EMC7: variants seen among roughly 807,000 people sequenced by gnomAD.
EMC7 encodes endoplasmic reticulum membrane protein complex subunit 7.
Under a neutral mutation model 24.4 loss-of-function variants are expected in EMC7, and 4 were observed. That is an observed-to-expected ratio of 0.16 (90% confidence interval 0.08 to 0.38). EMC7 has a LOEUF of 0.38. Among genes scored for constraint, EMC7 ranks in the 10% least tolerant of loss-of-function variants. The pLI, the probability that EMC7 is intolerant of heterozygous loss-of-function variation, is 1.00. For missense variants in EMC7, 221 were observed against 300.6 expected (o/e 0.74, Z 1.96); for synonymous variants, 106 against 112.0 (o/e 0.95, Z 0.34).
At chr15:34,098,969 A>C (rs1366225051) in intron 1 of EMC7, among the ~76,000 whole-genome samples, 3 of 152,224 alleles carry the variant, frequency 2.0e-5, no homozygotes, top group Non-Finnish European at 2.9e-5. Flanking sequence ...ACTCTACAAA[A>C]TGTAGGCCTT....
Position 34,084,690 on chromosome 15 carries a change from G to T in EMC7, c.577-204C>A, listed in dbSNP as rs149400911. Among the ~76,000 whole-genome samples the T allele has an allele frequency of 2.9e-4, 44 of 150,506 alleles. 1 individual carries two copies. In the East Asian group the frequency reaches 8.0e-3, roughly 27 times the overall value. On this transcript the variant is annotated intron_variant, in intron 4 of 4. Coordinates refer to ENST00000256545, the MANE Select transcript of EMC7 (RefSeq NM_020154.3). ...TCTCCTTTATACCACTAGACATTTT[G>T]ACTCTTAGTAAATGTCCAATAAATG...
chr15:34,093,806 C>CACACACACACACACACACATATATATAT (rs61440619), intron 2 of EMC7, among the ~76,000 whole-genome samples: 5 of 30,242 alleles, frequency 1.7e-4, no homozygotes, highest in African/African-American at 4.3e-4. Context: ...CACACACACA[C>CACACACACACACACACACATATATATAT]ATATATATAT....
In EMC7 at chr15:34,101,789, T is replaced by TAGCAGC. The variant is rs756436394; in HGVS notation, c.45_50dup (p.Leu16_Leu17dup). 15 of 1,612,244 alleles carry TAGCAGC rather than the reference T, an allele frequency of 9.3e-6. No individual in the cohort carries two copies. Among genetic ancestry groups the TAGCAGC allele is most frequent in the Admixed American group, 5.0e-5 (3 of 59,912 alleles). On this transcript the variant is annotated inframe_insertion, in exon 1 of 5. Transcript: ENST00000256545. ...CCTCCGAGCTCTGGACATCCCCCGA[T>TAGCAGC]AGCAGCAGCAGCAGCAGGACGGGAA...
intron 1 of EMC7, among the ~76,000 whole-genome samples, chr15:34,098,945 A>C (rs1188968419): frequency 6.6e-6 from 1 of 152,194 alleles, no homozygotes; most frequent in Non-Finnish European, 1.5e-5. Context: ...TTTAAAATTC[A>C]TCCTTAAAAA....
chr15:34,091,438 TTATGCATTTGTTACTGCCAGGAATTTG>T (rs1403948319), intron 2 of EMC7, among the ~76,000 whole-genome samples: 1 of 152,212 alleles, frequency 6.6e-6, no homozygotes, highest in East Asian at 1.9e-4. Context: ...TCCAGAGAGA[TTATGCATTTGTTACTGCCAGGAATTTG>T]GGAATTATAA....
intron 2 of EMC7, among the ~76,000 whole-genome samples, chr15:34,094,884 T>C (rs1597405702): frequency 6.6e-6 from 1 of 152,290 alleles, no homozygotes; most frequent in African/African-American, 2.4e-5. Flanking sequence ...CTCATTCTAT[T>C]TGAATTATGG....
chr15:34,091,963 T>A (rs1380474804), intron 2 of EMC7, among the ~76,000 whole-genome samples: 1 of 152,224 alleles, frequency 6.6e-6, no homozygotes, highest in East Asian at 1.9e-4. Flanking sequence ...GCATGCTGCA[T>A]GCTTATAAAA....
intron 1 of EMC7, among the ~76,000 whole-genome samples, chr15:34,099,285 A>G (rs1901137970): frequency 6.6e-6 from 1 of 152,216 alleles, no homozygotes; most frequent in African/African-American, 2.4e-5. Context: ...TATAATAAAA[A>G]GTGCAAAAAA....
chr15:34,097,041 T>TTTTTTTTTTTTCTTTTC (rs200400453), intron 1 of EMC7, among the ~76,000 whole-genome samples: 1 of 132,682 alleles, frequency 7.5e-6, no homozygotes, highest in African/African-American at 2.8e-5. Flanking sequence ...TTCTTCTTCT[T>TTTTTTTTTTTTCTTTTC]TTTTTTTTTT....
At chr15:34,091,675 G>A (rs1467523727) in intron 2 of EMC7, among the ~76,000 whole-genome samples, 1 of 152,112 alleles carries the variant, frequency 6.6e-6, no homozygotes, top group Non-Finnish European at 1.5e-5. Context: ...AGGTCAAAGG[G>A]AGGACCAAAT....
At chr15:34,089,799 A>C (rs1490672066) in intron 3 of EMC7, among the ~76,000 whole-genome samples, 1 of 152,212 alleles carries the variant, frequency 6.6e-6, no homozygotes, top group African/African-American at 2.4e-5. Context: ...ACTACTAAAA[A>C]TACAAAATTA....
At chr15:34,087,681 A>C (rs1417512486) in intron 4 of EMC7, among the ~76,000 whole-genome samples, 1 of 152,268 alleles carries the variant, frequency 6.6e-6, no homozygotes, top group Non-Finnish European at 1.5e-5. Context: ...AAAGAGATCC[A>C]GGCCAGGCAG....
chr15:34,085,415 C>T (rs1900862981), intron 4 of EMC7, among the ~76,000 whole-genome samples: 1 of 152,084 alleles, frequency 6.6e-6, no homozygotes, highest in Non-Finnish European at 1.5e-5. Context: ...TCAAAGTGAA[C>T]TTAAAATTGA....
chr15:34,087,204 T>C (rs1042089405), intron 4 of EMC7, among the ~76,000 whole-genome samples: 1 of 152,234 alleles, frequency 6.6e-6, no homozygotes, highest in African/African-American at 2.4e-5. Flanking sequence ...GATAAATGTT[T>C]ACTCAGGAAT....
intron 4 of EMC7, among the ~76,000 whole-genome samples, chr15:34,087,288 T>C (rs145266593): frequency 1.6e-4 from 24 of 152,318 alleles, no homozygotes; most frequent in African/African-American, 5.8e-4. Context: ...TTGTTGATGG[T>C]TGAACGGAAA....
rs1900836127 is a variant in EMC7, at chr15:34,084,078, T to C, written c.*256A>G. On this transcript the variant is annotated 3_prime_UTR_variant, in exon 5 of 5. Transcript: ENST00000256545. ...ATAATGTATAGTAGTTCATATAATT[T>C]ATTAATGGCATTTTCTATAGGACAC... 1 of 346,272 alleles carries C rather than the reference T, an allele frequency of 2.9e-6. No homozygotes were observed. Among genetic ancestry groups the C allele is most frequent in the African/African-American group, 2.1e-5 (1 of 47,758 alleles). The allele number at this position is 346,272 out of a possible 1,614,324, so 21.4% of individuals were successfully genotyped here. A position where few individuals can be genotyped will look rare whatever the true frequency, so the allele number is the denominator to read the frequency against.
chr15:34,101,812 G>C lies in EMC7; in HGVS notation c.28C>G (p.Pro10Ala). The C allele has an allele frequency of 1.9e-6, 3 of 1,610,358 alleles. No homozygotes were observed. The highest frequency in any genetic ancestry group is 2.5e-6 in the Non-Finnish European group (3 of 1,179,526). MAAALWGFF[P>A]VLLLLLLSGD... is the part of the protein sequence containing the mutation. ...GATAGCAGCAGCAGCAGCAGGACGG[G>C]AAAGAAGCCCCACAGAGCGGCCGCC... Residue 10 changes from proline to alanine, a missense_variant, in exon 1 of 5, where the codon CCC becomes GCC. Physicochemically the swap from Pro to Ala is conservative, Grantham distance 27. This residue lies in a region of EMC7 where 156 missense variants were observed against 177.1 expected (regional missense o/e 0.88). Transcript: ENST00000256545.
intron 1 of EMC7, among the ~76,000 whole-genome samples, chr15:34,096,701 T>C (rs2140871624): frequency 6.6e-6 from 1 of 152,022 alleles, no homozygotes; most frequent in African/African-American, 2.4e-5. Context: ...CTGTTAAAAA[T>C]GGCAGGCCAG....
intron 2 of EMC7, among the ~76,000 whole-genome samples, chr15:34,094,762 A>G (rs1901038010): frequency 6.6e-6 from 1 of 152,202 alleles, no homozygotes; most frequent in African/African-American, 2.4e-5. Context: ...CTAAAAGAAG[A>G]GAAAGAAATC....
Sources: allele counts gnomAD v4.1 joint callset (sites outside exome capture counted in the v4.1 genomes callset), GRCh38; gene constraint gnomAD v4.1.1; regional missense constraint gnomAD v4.1.1; transcripts MANE v1.5; gene names NCBI Gene and HGNC (gene_info 2026-07-23, HGNC 2026-07-21).